COLEC12: variants seen among roughly 807,000 people sequenced by gnomAD.
COLEC12 encodes the protein collectin subfamily member 12.
In COLEC12, 33 loss-of-function variants were observed where a neutral mutation model predicts 71.1. That is an observed-to-expected ratio of 0.46 (90% CI 0.35 to 0.62). The LOEUF (loss-of-function observed/expected upper bound fraction) is 0.62, where lower values mean the gene tolerates loss of function less well. Ranked by LOEUF, COLEC12 falls within the 20% of genes least tolerant of loss-of-function variation. The pLI is 0.00. For missense variants in COLEC12, 765 were observed against 916.1 expected (o/e 0.84, Z 2.13); for synonymous variants, 350 against 353.0 (o/e 0.99, Z 0.10).
chr18:391,158 G>T (rs1245240276), intron 2 of COLEC12, among the ~76,000 whole-genome samples: 1 of 152,184 alleles, frequency 6.6e-6, no homozygotes, highest in African/African-American at 2.4e-5. Flanking sequence ...ACGTGAGGAG[G>T]GCTATTGGTG....
At chr18:324,953 C>T (rs991702994) in intron 8 of COLEC12, among the ~76,000 whole-genome samples, 8 of 152,230 alleles carry the variant, frequency 5.3e-5, no homozygotes, top group African/African-American at 1.4e-4. Flanking sequence ...CTTCAGGAGG[C>T]TAAGGCAGGA....
chr18:352,074 C>T (rs654312), intron 3 of COLEC12, among the ~76,000 whole-genome samples: 40,948 of 152,098 alleles, frequency 0.27, 6,281 homozygotes, highest in South Asian at 0.35. Context: ...TATGACATTT[C>T]GCTGAGTAAT....
intron 2 of COLEC12, among the ~76,000 whole-genome samples, chr18:359,060 TCAGA>T (rs912470882): frequency 2.6e-5 from 4 of 152,200 alleles, no homozygotes; most frequent in Admixed American, 2.6e-4. Flanking sequence ...TTTACTTATT[TCAGA>T]CACTGTTAGG....
At position 500,592 on chromosome 18, in the gene COLEC12, T is replaced by TC; in HGVS notation, c.-79_-78insG. On this transcript the variant is annotated 5_prime_UTR_variant, in exon 1 of 10. Coordinates refer to ENST00000400256, the MANE Select transcript of COLEC12 (RefSeq NM_130386.3). The surrounding 1 kb of genome is among the most constrained non-coding windows in gnomAD (Gnocchi z 5.3). ...AGCCGAGGAAGTCGTCCCGAGCGGC[T>TC]GCTCACCGCACGCCCATGGTAGCCG... 1 of 1,157,112 alleles carries TC rather than the reference T, an allele frequency of 8.6e-7. No individual in the cohort carries two copies. The highest frequency in any genetic ancestry group is 3.4e-4 in the Middle Eastern group (1 of 2,942). The allele number at this position is 1,157,112 out of a possible 1,614,324, so 71.7% of individuals were successfully genotyped here. A position where few individuals can be genotyped will look rare whatever the true frequency, so the allele number is the denominator to read the frequency against.
intron 1 of COLEC12, among the ~76,000 whole-genome samples, chr18:498,710 G>A (rs1391739479): frequency 5.9e-5 from 9 of 152,026 alleles, no homozygotes; most frequent in African/African-American, 1.2e-4. Context: ...TAGTCTACCC[G>A]GGGATTCACC....
intron 2 of COLEC12, among the ~76,000 whole-genome samples, chr18:461,381 A>T (rs1298379777): frequency 1.3e-5 from 2 of 152,160 alleles, no homozygotes; most frequent in African/African-American, 4.8e-5. Flanking sequence ...TTTAAAATTT[A>T]AAAATTTTAA....
At position 403,639 on chromosome 18, in the gene COLEC12, G is replaced by A. The variant is rs527791356; in HGVS notation, c.59-46117C>T. On this transcript the variant is annotated intron_variant, in intron 2 of 9. Coordinates refer to ENST00000400256, the MANE Select transcript of COLEC12 (RefSeq NM_130386.3). ...AAGACACATCCTTCTTATTTCTTTT[G>A]AGAATTTCTAAAAGATAAATGGAAT... is the stretch of plus-strand genomic sequence containing the variant. Among the ~76,000 whole-genome samples the A allele has an allele frequency of 2.0e-5, 3 of 152,278 alleles. No homozygotes were observed. In the East Asian group the frequency reaches 5.8e-4, roughly 29 times the overall value.
intron 3 of COLEC12, 22 bp from the exon 4 acceptor site, chr18:348,185 AT>A: frequency 7.3e-7 from 1 of 1,361,300 alleles, no homozygotes. Flanking sequence ...AAAATGATGC[AT>A]TAGTATACAT....
intron 1 of COLEC12, among the ~76,000 whole-genome samples, chr18:497,630 TA>T (rs1172675923): frequency 6.6e-6 from 1 of 152,160 alleles, no homozygotes; most frequent in Non-Finnish European, 1.5e-5. Context: ...CTGGTTTCAC[TA>T]TATGGTGATC....
chr18:353,845 T>C (rs1914573501), intron 3 of COLEC12, among the ~76,000 whole-genome samples: 1 of 152,194 alleles, frequency 6.6e-6, no homozygotes, highest in East Asian at 1.9e-4. Flanking sequence ...CTTACAGAAA[T>C]ACAGAAAATC....
At chr18:439,682 G>A (rs1200925778) in intron 2 of COLEC12, among the ~76,000 whole-genome samples, 1 of 151,924 alleles carries the variant, frequency 6.6e-6, no homozygotes, top group Non-Finnish European at 1.5e-5. Flanking sequence ...AAAATGACAG[G>A]AGATAACAAA....
intron 2 of COLEC12, among the ~76,000 whole-genome samples, chr18:365,355 A>G (rs1914832318): frequency 6.6e-6 from 1 of 152,204 alleles, no homozygotes; most frequent in Non-Finnish European, 1.5e-5. Context: ...ATATCTCCCA[A>G]TGCTGAGGGA....
chr18:448,292 G>A (rs1202446073), intron 2 of COLEC12, among the ~76,000 whole-genome samples: 1 of 152,196 alleles, frequency 6.6e-6, no homozygotes, highest in Non-Finnish European at 1.5e-5. Context: ...TGGCAAACGA[G>A]CGTTCGCTAA....
chr18:434,233 G>A (rs377020275), intron 2 of COLEC12, among the ~76,000 whole-genome samples: 4 of 152,272 alleles, frequency 2.6e-5, no homozygotes, highest in Non-Finnish European at 5.9e-5. Flanking sequence ...TAGGATATAC[G>A]CTTTATACTT....
intron 2 of COLEC12, among the ~76,000 whole-genome samples, chr18:479,925 C>T (rs1247387252): frequency 6.6e-6 from 1 of 152,206 alleles, no homozygotes; most frequent in Non-Finnish European, 1.5e-5. Context: ...GTATACAGCT[C>T]TCCCTCCTGA....
Position 498,046 on chromosome 18 carries a change from G to C in COLEC12, c.7+2462C>G, listed in dbSNP as rs140604833. Reference sequence around the variant, plus strand: ...GAGGTTATCTATTTGGTGTCTTAGGGCCTTCCAAGCCACACGGGGTAACTG... The same window carrying C: ...GAGGTTATCTATTTGGTGTCTTAGGCCCTTCCAAGCCACACGGGGTAACTG... On this transcript the variant is annotated intron_variant, in intron 1 of 9. Transcript: ENST00000400256. 4.4e-3 allele frequency among the ~76,000 whole-genome samples: 666 copies of C among 152,166 alleles called. 6 individuals carry two copies. Among genetic ancestry groups the C allele is most frequent in the African/African-American group, 0.015 (634 of 41,496 alleles).
chr18:483,629 A>G (rs1455186907), intron 1 of COLEC12, among the ~76,000 whole-genome samples: 1 of 152,210 alleles, frequency 6.6e-6, no homozygotes, highest in Non-Finnish European at 1.5e-5. Context: ...CCAAGAGAAC[A>G]GCATCTTTTT....
chr18:429,902 C>A (rs1289831398), intron 2 of COLEC12, among the ~76,000 whole-genome samples: 1 of 152,142 alleles, frequency 6.6e-6, no homozygotes, highest in Admixed American at 6.6e-5. Flanking sequence ...TAATTACTGC[C>A]TGGTATCACA....
At position 483,197 on chromosome 18, in the gene COLEC12, T is replaced by C. The variant is rs538819214; in HGVS notation, c.8-2440A>G. On this transcript the variant is annotated intron_variant, in intron 1 of 9. Coordinates refer to ENST00000400256, the MANE Select transcript of COLEC12 (RefSeq NM_130386.3). ...GGTGGATCACCTGAGGTCAGGAGTT[T>C]GAGGCCAGCCTGGCCAACATGGCGA... Among the ~76,000 whole-genome samples the C allele has an allele frequency of 2.6e-3, 395 of 151,882 alleles. 2 individuals are homozygous for C. The highest frequency in any genetic ancestry group is 4.0e-3 in the Non-Finnish European group (271 of 67,914).
Sources: allele counts gnomAD v4.1 joint callset (sites outside exome capture counted in the v4.1 genomes callset), GRCh38; gene constraint gnomAD v4.1.1; non-coding constraint Gnocchi (gnomAD v3.1); transcripts MANE v1.5; gene names NCBI Gene and HGNC (gene_info 2026-07-23, HGNC 2026-07-21).